CNTNAP2: variants seen among roughly 807,000 people sequenced by gnomAD.
CNTNAP2 encodes contactin associated protein 2.
Under a neutral mutation model 155.2 loss-of-function variants are expected in CNTNAP2, and 98 were observed. The ratio of observed to expected loss-of-function variants is 0.63; its 90% CI spans 0.54 to 0.75. The LOEUF (loss-of-function observed/expected upper bound fraction) is 0.75. Ranked by LOEUF, CNTNAP2 falls within the 30% of genes least tolerant of loss-of-function variation. The pLI is 0.00. For synonymous variants in CNTNAP2, 651 were observed against 631.2 expected, an observed-to-expected ratio of 1.03 and a Z score of -0.47; for missense variants, 1,727 against 1,688.1, an observed-to-expected ratio of 1.02 and a Z score of -0.40.
intron 10 of CNTNAP2, among the ~76,000 whole-genome samples, chr7:147,430,926 T>C (rs971874542): frequency 2.0e-5 from 3 of 151,874 alleles, no homozygotes; most frequent in Non-Finnish European, 4.4e-5. Flanking sequence ...TAGCCGGGCC[T>C]AGTCTCAGCT....
At chr7:147,056,813 G>A (rs778026916) in intron 4 of CNTNAP2, among the ~76,000 whole-genome samples, 13 of 151,980 alleles carry the variant, frequency 8.6e-5, no homozygotes, top group African/African-American at 1.2e-4. Context: ...CTCTGTCACC[G>A]AGTCTGCAGT....
intron 12 of CNTNAP2, among the ~76,000 whole-genome samples, chr7:147,612,036 A>G (rs1801197899): frequency 6.6e-6 from 1 of 152,224 alleles, no homozygotes; most frequent in South Asian, 2.1e-4. Flanking sequence ...CACCGGGAAG[A>G]CAGATGAAAG....
At chr7:147,719,838 C>G (rs919871245) in intron 13 of CNTNAP2, among the ~76,000 whole-genome samples, 2 of 152,082 alleles carry the variant, frequency 1.3e-5, no homozygotes, top group Non-Finnish European at 2.9e-5. Flanking sequence ...GAAGCATCCA[C>G]CTCTTTATAT....
At chr7:147,828,057 T>C (rs1467109216) in intron 13 of CNTNAP2, among the ~76,000 whole-genome samples, 1 of 152,148 alleles carries the variant, frequency 6.6e-6, no homozygotes, top group Non-Finnish European at 1.5e-5. Flanking sequence ...TGATTTTCTA[T>C]GTAGATCATC....
At chr7:147,936,798 TAGAA>T (rs1345399054) in intron 14 of CNTNAP2, among the ~76,000 whole-genome samples, 1 of 152,168 alleles carries the variant, frequency 6.6e-6, no homozygotes, top group Non-Finnish European at 1.5e-5. Context: ...GTGCTCAAAA[TAGAA>T]AGCACAATGG....
chr7:147,930,947 A>G (rs1314772554), intron 14 of CNTNAP2, among the ~76,000 whole-genome samples: 1 of 152,240 alleles, frequency 6.6e-6, no homozygotes, highest in African/African-American at 2.4e-5. Context: ...AACAATGAAT[A>G]GGTCAAATAA....
chr7:148,143,862 C>T lies in CNTNAP2; in HGVS notation c.2555-3629C>T, dbSNP rs1585149489. Among the ~76,000 whole-genome samples the T allele has an allele frequency of 2.6e-5, 4 of 152,214 alleles. No individual in the cohort carries two copies. The South Asian group carries it at 6.2e-4, about 24-fold the overall frequency. On this transcript the variant is annotated intron_variant, in intron 16 of 23. Transcript: ENST00000361727. Reference sequence around the variant, plus strand: ...GGGACTGTCTTTTCCTTATAACTCACCAAAAGACTCCACTCATGTTTCATT... The same window carrying T: ...GGGACTGTCTTTTCCTTATAACTCATCAAAAGACTCCACTCATGTTTCATT...
intron 2 of CNTNAP2, among the ~76,000 whole-genome samples, chr7:146,824,099 A>G (rs1490573836): frequency 1.3e-5 from 2 of 151,230 alleles, no homozygotes; most frequent in East Asian, 1.9e-4. Context: ...ATCTGTTCTC[A>G]TTTTTCAGCT....
intron 1 of CNTNAP2, among the ~76,000 whole-genome samples, chr7:146,475,409 G>A (rs1370288749): frequency 6.6e-6 from 1 of 152,186 alleles, no homozygotes; most frequent in Non-Finnish European, 1.5e-5. Flanking sequence ...TTGAGGATGA[G>A]AAGAGACCTA....
chr7:146,607,100 A>G (rs1384334274), intron 1 of CNTNAP2, among the ~76,000 whole-genome samples: 3 of 152,182 alleles, frequency 2.0e-5, no homozygotes, highest in Admixed American at 1.3e-4. Context: ...CTAATTCAAA[A>G]TATTTCTAAC....
At chr7:147,110,439 C>T (rs796845360) in intron 5 of CNTNAP2, among the ~76,000 whole-genome samples, 24 of 151,794 alleles carry the variant, frequency 1.6e-4, no homozygotes, top group Admixed American at 1.4e-3. Flanking sequence ...AAACGTGTGC[C>T]GTGACGGTTG....
chr7:146,845,471 G>A (rs1803823070), intron 3 of CNTNAP2, among the ~76,000 whole-genome samples: 1 of 152,174 alleles, frequency 6.6e-6, no homozygotes, highest in African/African-American at 2.4e-5. Context: ...GATTATGTAA[G>A]TAAAGAAATT....
At chr7:147,263,125 T>C (rs1804529247) in intron 8 of CNTNAP2, among the ~76,000 whole-genome samples, 1 of 152,038 alleles carries the variant, frequency 6.6e-6, no homozygotes, top group Admixed American at 6.5e-5. Flanking sequence ...GGCAGGTGGA[T>C]TGCTTTGGCC....
intron 16 of CNTNAP2, among the ~76,000 whole-genome samples, chr7:148,136,854 G>A (rs55873047): frequency 1.5e-3 from 231 of 152,246 alleles, no homozygotes; most frequent in African/African-American, 5.2e-3. Flanking sequence ...GGGTTCTCAC[G>A]TATTTTATAT....
At chr7:147,497,733 T>C (rs1798733863) in intron 11 of CNTNAP2, among the ~76,000 whole-genome samples, 1 of 152,112 alleles carries the variant, frequency 6.6e-6, no homozygotes, top group Non-Finnish European at 1.5e-5. Context: ...GAAAATGAGC[T>C]CCTCTAGAGT....
chr7:148,203,183 G>A (rs1041191638), intron 18 of CNTNAP2, among the ~76,000 whole-genome samples: 1 of 152,086 alleles, frequency 6.6e-6, no homozygotes, highest in African/African-American at 2.4e-5. Context: ...CTTTTGGGGA[G>A]GAGAGGTGGG....
chr7:147,599,158 G>C (rs907523652), intron 12 of CNTNAP2, among the ~76,000 whole-genome samples: 1 of 151,994 alleles, frequency 6.6e-6, no homozygotes, highest in Non-Finnish European at 1.5e-5. Flanking sequence ...CGCTTCCATG[G>C]TGTGTAAAGT....
intron 1 of CNTNAP2, among the ~76,000 whole-genome samples, chr7:146,766,644 C>T (rs1258742668): frequency 6.6e-6 from 1 of 152,116 alleles, no homozygotes; most frequent in African/African-American, 2.4e-5. Context: ...GTAATACTAC[C>T]CATCTCAATG....
At chr7:147,621,418 T>C (rs1794849251) in intron 12 of CNTNAP2, among the ~76,000 whole-genome samples, 1 of 151,918 alleles carries the variant, frequency 6.6e-6, no homozygotes, top group African/African-American at 2.4e-5. Context: ...AAATAAAAAG[T>C]ACAACAATTT....
Sources: gnomAD v4.1 joint callset for allele counts (sites outside exome capture counted in the v4.1 genomes callset) on GRCh38, gnomAD v4.1.1 for gene constraint, MANE v1.5 for transcripts, NCBI Gene and HGNC (gene_info 2026-07-23, HGNC 2026-07-21) for gene names.